The following CSMD1 variants were observed in gnomAD, a reference collection of about 807,000 sequenced individuals.
CSMD1 encodes the protein CUB and Sushi multiple domains 1.
Under a neutral mutation model 417.5 loss-of-function variants are expected in CSMD1, and 213 were observed. The ratio of observed to expected loss-of-function variants is 0.51; its 90% CI spans 0.46 to 0.57. CSMD1 has a LOEUF of 0.57. CSMD1 is among the 20% of genes least tolerant of loss of function. The pLI is 0.00. For synonymous variants in CSMD1, 2,862 were observed against 1,736.8 expected, an observed-to-expected ratio of 1.65 and a Z score of -16.11; for missense variants, 6,923 against 4,529.7, an observed-to-expected ratio of 1.53 and a Z score of -15.17.
intron 3 of CSMD1, among the ~76,000 whole-genome samples, chr8:4,375,333 G>A (rs1056954503): frequency 1.3e-5 from 2 of 152,096 alleles, no homozygotes; most frequent in African/African-American, 4.8e-5. Flanking sequence ...GGTCTGTCAG[G>A]AGGGTGATCA....
At chr8:3,409,103 C>T (rs1236514045) in intron 13 of CSMD1, among the ~76,000 whole-genome samples, 1 of 152,176 alleles carries the variant, frequency 6.6e-6, no homozygotes, top group Non-Finnish European at 1.5e-5. Context: ...GACTCTGTTG[C>T]TGTACTGATG....
intron 3 of CSMD1, among the ~76,000 whole-genome samples, chr8:4,273,751 C>G (rs1253355491): frequency 6.6e-6 from 1 of 152,134 alleles, no homozygotes; most frequent in East Asian, 1.9e-4. Flanking sequence ...ACACTGACAG[C>G]TCAGCAAGAT....
chr8:4,467,865 T>C (rs1800277023), intron 2 of CSMD1, among the ~76,000 whole-genome samples: 1 of 152,146 alleles, frequency 6.6e-6, no homozygotes, highest in South Asian at 2.1e-4. Flanking sequence ...GAAAAGGAGT[T>C]CCAAAAAAAC....
At chr8:4,846,267 GAAGT>G (rs1293139714) in intron 1 of CSMD1, among the ~76,000 whole-genome samples, 5 of 152,200 alleles carry the variant, frequency 3.3e-5, no homozygotes, top group Admixed American at 2.6e-4. Context: ...GGAAATGTGT[GAAGT>G]AAGATCTTTA....
chr8:4,836,033 G>C (rs1424328542), intron 1 of CSMD1, among the ~76,000 whole-genome samples: 1 of 152,042 alleles, frequency 6.6e-6, no homozygotes, highest in Non-Finnish European at 1.5e-5. Context: ...AATAGAGATG[G>C]TTTCTGCCTT....
At chr8:3,533,971 A>G (rs1031105908) in intron 10 of CSMD1, among the ~76,000 whole-genome samples, 1 of 152,188 alleles carries the variant, frequency 6.6e-6, no homozygotes, top group African/African-American at 2.4e-5. Flanking sequence ...ATGAAACAAA[A>G]TTTTGTTTTG....
rs149365011 is a variant in CSMD1, at chr8:3,577,503, T to G, written c.1223-2437A>C. Reference sequence around the variant, plus strand: ...TTTTTTTATTAAGCCATCAAAATGGTCATCTAAAATGAATATTGGGAATAT... The same window carrying G: ...TTTTTTTATTAAGCCATCAAAATGGGCATCTAAAATGAATATTGGGAATAT... On this transcript the variant is annotated intron_variant, in intron 9 of 69. Transcript: ENST00000635120. 2.8e-3 allele frequency among the ~76,000 whole-genome samples: 425 copies of G among 152,340 alleles called. 4 individuals are homozygous for G. Among genetic ancestry groups the G allele is most frequent in the African/African-American group, 9.9e-3 (411 of 41,576 alleles).
chr8:4,648,421 G>A (rs1803675484), intron 1 of CSMD1, among the ~76,000 whole-genome samples: 3 of 151,996 alleles, frequency 2.0e-5, no homozygotes, highest in South Asian at 4.2e-4. Flanking sequence ...CATGAGTCTT[G>A]GGGCTCAGTC....
intron 3 of CSMD1, among the ~76,000 whole-genome samples, chr8:4,074,612 C>G (rs1053120530): frequency 8.5e-5 from 13 of 152,104 alleles, no homozygotes; most frequent in African/African-American, 2.9e-4. Context: ...AACTACTGTC[C>G]TACATTTGGG....
intron 5 of CSMD1, among the ~76,000 whole-genome samples, chr8:3,816,384 G>A (rs529343997): frequency 1.8e-4 from 27 of 152,328 alleles, no homozygotes; most frequent in Non-Finnish European, 1.9e-4. Context: ...TATTCTGAGA[G>A]CAAGATGGAG....
intron 2 of CSMD1, among the ~76,000 whole-genome samples, chr8:4,429,949 A>T (rs1414015281): frequency 6.6e-6 from 1 of 152,142 alleles, no homozygotes; most frequent in East Asian, 1.9e-4. Flanking sequence ...TGAAAAAGAC[A>T]AGAGGCAAAG....
At chr8:4,644,744 T>G (rs1803413644) in intron 1 of CSMD1, among the ~76,000 whole-genome samples, 1 of 152,238 alleles carries the variant, frequency 6.6e-6, no homozygotes, top group African/African-American at 2.4e-5. Context: ...CATTTATAAC[T>G]TTGTGAAATA....
At chr8:4,838,090 A>C (rs1056837761) in intron 1 of CSMD1, among the ~76,000 whole-genome samples, 8 of 152,136 alleles carry the variant, frequency 5.3e-5, no homozygotes, top group African/African-American at 1.9e-4. Context: ...GCCGGTAATA[A>C]AAATTAGTGA....
chr8:4,602,689 G>A lies in CSMD1; in HGVS notation c.302+34653C>T, dbSNP rs1800656803. 2.6e-5 allele frequency among the ~76,000 whole-genome samples: 4 copies of A among 152,120 alleles called. No individual in the cohort carries two copies. In the South Asian group the frequency reaches 8.3e-4, roughly 31 times the overall value. ...CTTCTTGGCTTGAAATGACTTAATTGTCTTAAGATCTTCATTGTTGTTATC... is the reference window on the plus strand; with the variant it reads ...CTTCTTGGCTTGAAATGACTTAATTATCTTAAGATCTTCATTGTTGTTATC... On this transcript the variant is annotated intron_variant, in intron 2 of 69. Transcript: ENST00000635120.
chr8:3,405,452 C>G (rs968784745), intron 15 of CSMD1, among the ~76,000 whole-genome samples: 2 of 152,050 alleles, frequency 1.3e-5, no homozygotes, highest in African/African-American at 4.8e-5. Flanking sequence ...GTAACAAGAA[C>G]AACAAAATAG....
chr8:3,728,405 G>A (rs1378897865), intron 6 of CSMD1, among the ~76,000 whole-genome samples: 1 of 152,192 alleles, frequency 6.6e-6, no homozygotes, highest in Admixed American at 6.5e-5. Context: ...TTTATCAGCA[G>A]CATGAAAACA....
At chr8:3,214,722 G>T in intron 29 of CSMD1, 31 bp from the exon 30 acceptor site, 1 of 1,504,898 alleles carries the variant, frequency 6.6e-7, no homozygotes, top group South Asian at 1.3e-5. Flanking sequence ...AACTGCATGA[G>T]AGCAGGGATC....
At chr8:4,842,081 A>C (rs1800877508) in intron 1 of CSMD1, among the ~76,000 whole-genome samples, 1 of 152,122 alleles carries the variant, frequency 6.6e-6, no homozygotes, top group Admixed American at 6.5e-5. Context: ...GACGTCACCT[A>C]TGTGTACCAT....
chr8:3,127,080 G>A (rs1358171118), intron 41 of CSMD1, among the ~76,000 whole-genome samples: 1 of 152,174 alleles, frequency 6.6e-6, no homozygotes, highest in East Asian at 1.9e-4. Flanking sequence ...GAGAACATCC[G>A]TCAACAATGA....
Sources: allele counts gnomAD v4.1 joint callset (sites outside exome capture counted in the v4.1 genomes callset), GRCh38; gene constraint gnomAD v4.1.1; transcripts MANE v1.5; gene names NCBI Gene and HGNC (gene_info 2026-07-23, HGNC 2026-07-21).